The following KIAA1671 variants were observed in gnomAD, a reference collection of about 807,000 sequenced individuals.
The protein encoded by KIAA1671 is KIAA1671.
In KIAA1671, 52 loss-of-function variants were observed where a neutral mutation model predicts 131.2. That is an observed-to-expected ratio of 0.40 (90% CI 0.32 to 0.50). The LOEUF is 0.50. Ranked by LOEUF, KIAA1671 falls within the 20% of genes least tolerant of loss-of-function variation. KIAA1671 has a pLI of 0.73. For synonymous variants in KIAA1671, 1,003 were observed against 961.6 expected (o/e 1.04, Z -0.80); for missense variants, 2,360 against 2,364.2 (o/e 1.00, Z 0.04).
intron 6 of KIAA1671, among the ~76,000 whole-genome samples, chr22:25,156,575 A>G (rs1004280574): frequency 1.3e-5 from 2 of 151,808 alleles, no homozygotes; most frequent in Non-Finnish European, 2.9e-5. Context: ...GTGTGTATAT[A>G]TACATATATG....
chr22:25,087,871 C>T (rs1929815315), intron 6 of KIAA1671, among the ~76,000 whole-genome samples: 1 of 152,162 alleles, frequency 6.6e-6, no homozygotes, highest in Non-Finnish European at 1.5e-5. Flanking sequence ...GCCAGAGCCC[C>T]CAGCACCTGG....
chr22:24,981,787 A>G (rs1923249716), intron 1 of KIAA1671, among the ~76,000 whole-genome samples: 1 of 152,194 alleles, frequency 6.6e-6, no homozygotes, highest in South Asian at 2.1e-4. Flanking sequence ...ATGCTCCTCT[A>G]GTTCCAGCTA....
chr22:25,151,604 G>T (rs1306216517), intron 6 of KIAA1671, among the ~76,000 whole-genome samples: 1 of 151,590 alleles, frequency 6.6e-6, no homozygotes, highest in Non-Finnish European at 1.5e-5. Context: ...GCTAATTTTT[G>T]TATTTTTAGT....
chr22:25,039,028 C>T lies in KIAA1671; in HGVS notation c.1898C>T (p.Ser633Phe), dbSNP rs930208750. ...GCTGACCAGTCGGGACGTTGTCTCT[C>T]CACCACACCCCCTGGTGACATGGCC... ...TVADQSGRCL[S>F]TTPPGDMAHA... The change falls in exon 5 of 13, where the codon TCC becomes TTC. Residue 633 changes from serine (S) to phenylalanine (F), a missense_variant. By Grantham distance (155) the Ser-to-Phe change is radical. Around this residue, in one of 3 missense-constraint regions of KIAA1671, gnomAD observed 1,185 missense variants for 1,126.2 expected, o/e 1.05. Transcript: ENST00000358431. 1 of 1,551,728 alleles carries T rather than the reference C, an allele frequency of 6.4e-7. No individual in the cohort carries two copies. The highest frequency in any genetic ancestry group is 1.7e-4 in the Middle Eastern group (1 of 5,992).
chr22:25,140,458 C>T (rs894249250), intron 6 of KIAA1671, among the ~76,000 whole-genome samples: 1 of 152,140 alleles, frequency 6.6e-6, no homozygotes, highest in African/African-American at 2.4e-5. Flanking sequence ...TCCCTGCAAG[C>T]TCCGCCTCCC....
At chr22:25,115,348 C>T (rs1217793325) in intron 6 of KIAA1671, among the ~76,000 whole-genome samples, 3 of 152,278 alleles carry the variant, frequency 2.0e-5, no homozygotes, top group African/African-American at 4.8e-5. Flanking sequence ...TGGGGTGCCG[C>T]ACCAAGGAGG....
Position 25,196,210 on chromosome 22 carries a change from C to T in KIAA1671, c.*3809C>T, listed in dbSNP as rs1270713664. ...CAGGGGGAAGGGCAGAAAGCTAGGC[C>T]CTCTGCTCTGGAAAGTCGGCCTGAG... On this transcript the variant is annotated 3_prime_UTR_variant, in exon 13 of 13. Coordinates refer to ENST00000358431, the MANE Select transcript of KIAA1671 (RefSeq NM_001145206.2). The T allele has an allele frequency of 6.6e-6, 1 of 152,112 alleles. No homozygotes were observed. Among genetic ancestry groups the T allele is most frequent in the African/African-American group, 2.4e-5 (1 of 41,420 alleles). The allele number at this position is 152,112 out of a possible 1,614,324, so 9.4% of individuals were successfully genotyped here.
At chr22:25,036,081 A>G (rs1366947566) in intron 4 of KIAA1671, among the ~76,000 whole-genome samples, 4 of 151,920 alleles carry the variant, frequency 2.6e-5, no homozygotes, top group African/African-American at 9.7e-5. Context: ...TATTTTATTT[A>G]TTTATTTATT....
intron 1 of KIAA1671, chr22:25,013,837 A>G (rs1360551745): frequency 1.3e-5 from 2 of 152,120 alleles, no homozygotes; most frequent in Non-Finnish European, 2.9e-5. Flanking sequence ...GCTTATGATG[A>G]TCCTGCCATA....
chr22:25,081,321 T>G (rs1385501493), intron 6 of KIAA1671, among the ~76,000 whole-genome samples: 1 of 152,190 alleles, frequency 6.6e-6, no homozygotes, highest in East Asian at 1.9e-4. Flanking sequence ...CAGATGTGGG[T>G]TCTAATCCAG....
At chr22:25,138,705 CAA>C (rs1028811116) in intron 6 of KIAA1671, among the ~76,000 whole-genome samples, 2 of 152,096 alleles carry the variant, frequency 1.3e-5, no homozygotes, top group Non-Finnish European at 2.9e-5. Flanking sequence ...ATGTGAAAAA[CAA>C]AAACAAAAAC....
intron 6 of KIAA1671, among the ~76,000 whole-genome samples, chr22:25,082,597 C>T (rs146034901): frequency 1.0e-3 from 157 of 152,274 alleles, no homozygotes; most frequent in Admixed American, 2.7e-3. Context: ...CCTTGGGAGG[C>T]CCAGGTGGGA....
At chr22:25,074,159 TTG>T (rs2145854241) in intron 6 of KIAA1671, among the ~76,000 whole-genome samples, 1 of 151,442 alleles carries the variant, frequency 6.6e-6, no homozygotes, top group Non-Finnish European at 1.5e-5. Flanking sequence ...GTATAATCTG[TTG>T]TGTGTATGTG....
At chr22:25,019,174 A>C (rs1308930204) in intron 1 of KIAA1671, among the ~76,000 whole-genome samples, 1 of 151,604 alleles carries the variant, frequency 6.6e-6, no homozygotes, top group Non-Finnish European at 1.5e-5. Context: ...GTTTTAGTTA[A>C]GCCCATGTGG....
chr22:25,130,811 C>T (rs1932411399), intron 6 of KIAA1671, among the ~76,000 whole-genome samples: 1 of 152,152 alleles, frequency 6.6e-6, no homozygotes, highest in African/African-American at 2.4e-5. Context: ...AATAGCACAG[C>T]TTAGAGGCTT....
intron 6 of KIAA1671, among the ~76,000 whole-genome samples, chr22:25,068,649 G>A (rs544283150): frequency 7.2e-5 from 11 of 152,198 alleles, no homozygotes; most frequent in Non-Finnish European, 1.3e-4. Context: ...TGTTAGCCAG[G>A]ATGGTCTCGA....
intron 3 of KIAA1671, among the ~76,000 whole-genome samples, chr22:25,031,371 C>A (rs1278567245): frequency 6.6e-6 from 1 of 151,774 alleles, no homozygotes; most frequent in Non-Finnish European, 1.5e-5. Context: ...TAATTTTTTG[C>A]ATTTTTAGTA....
Position 25,174,331 on chromosome 22 carries a change from C to T in KIAA1671, c.4741C>T (p.Pro1581Ser). 4 of 1,551,978 alleles carry T rather than the reference C, an allele frequency of 2.6e-6. No individual in the cohort carries two copies. The highest frequency in any genetic ancestry group is 1.4e-5 in the African/African-American group (1 of 73,154). The stretch of plus-strand genomic sequence containing the variant: ...GTCTTCTCTGTCCTCCCAAACGGAG[C>T]CCACCTCGGCAGGGGACCAGTATGA... ...RLSSLSSQTEPTSAGDQYDCS... is the reference protein window; with the variant it reads ...RLSSLSSQTESTSAGDQYDCS... The change falls in exon 8 of 13, where the codon CCC (proline) becomes TCC (serine). Residue 1581 changes from proline to serine, a missense_variant. By Grantham distance (74) the Pro-to-Ser change is moderately conservative. Around this residue, in one of 3 missense-constraint regions of KIAA1671, gnomAD observed 1,161 missense variants for 1,204.7 expected, o/e 0.96. Coordinates refer to ENST00000358431, the MANE Select transcript of KIAA1671 (RefSeq NM_001145206.2).
At position 25,189,861 on chromosome 22, in the gene KIAA1671, C is replaced by T. The variant is rs573275022; in HGVS notation, c.5343-841C>T. ...TCCTGGGCTCAAGCTATCCTCCTGCCTCTGCCTCCCTAAGTGTTGGAGTTA... is the reference window on the plus strand; with the variant it reads ...TCCTGGGCTCAAGCTATCCTCCTGCTTCTGCCTCCCTAAGTGTTGGAGTTA... On this transcript the variant is annotated intron_variant, in intron 11 of 12. Transcript: ENST00000358431. Among the ~76,000 whole-genome samples the T allele has an allele frequency of 5.9e-5, 9 of 152,314 alleles. No individual in the cohort carries two copies. In the South Asian group the frequency reaches 1.9e-3, roughly 32 times the overall value.
Sources: gnomAD v4.1 joint callset for allele counts (sites outside exome capture counted in the v4.1 genomes callset) on GRCh38, gnomAD v4.1.1 for gene constraint, gnomAD v4.1.1 regional missense constraint, MANE v1.5 for transcripts, NCBI Gene and HGNC (gene_info 2026-07-23, HGNC 2026-07-21) for gene names.